Variants in GPR143 observed in about 807,000 individuals in gnomAD.
The protein encoded by GPR143 is G-protein coupled receptor 143.
Under a neutral mutation model 27.6 loss-of-function variants are expected in GPR143, and 8 were observed. The observed-to-expected ratio is 0.29, with a 90% confidence interval of 0.17 to 0.52. GPR143 has a LOEUF of 0.52. Among genes scored for constraint, GPR143 ranks in the 20% least tolerant of loss-of-function variants. The pLI is 0.96. For missense variants in GPR143, 303 were observed against 343.1 expected (o/e 0.88, Z 0.92); for synonymous variants, 156 against 153.2 (o/e 1.02, Z -0.13).
At chrX:9,731,715 G>A (rs1452177043) in intron 8 of GPR143, among the ~76,000 whole-genome samples, 1 of 107,981 alleles carries the variant, frequency 9.3e-6, no homozygotes, top group Non-Finnish European at 1.9e-5. Flanking sequence ...TGGAATTGTA[G>A]GAGGGAACAG....
rs1482473232 is a variant in GPR143, at chrX:9,725,582, A to G, written c.*164T>C. 1.1e-5 allele frequency: 5 copies of G among 454,667 alleles called. No individual in the cohort carries two copies. Among genetic ancestry groups the G allele is most frequent in the Non-Finnish European group, 7.7e-6 (2 of 258,147 alleles). 37.5% of individuals were successfully genotyped at this position (454,667 alleles called of 1,213,427 possible). On this transcript the variant is annotated 3_prime_UTR_variant, in exon 9 of 9. Transcript: ENST00000467482. ...CGTGTGTGCATGAACCCTTTCTCCTATCCTAAAGGCCCTTCGGGAAGAAGC... is the reference window on the plus strand; with the variant it reads ...CGTGTGTGCATGAACCCTTTCTCCTGTCCTAAAGGCCCTTCGGGAAGAAGC...
intron 5 of GPR143, among the ~76,000 whole-genome samples, chrX:9,744,685 A>G (rs1203390646): frequency 2.7e-5 from 3 of 111,777 alleles, no homozygotes; most frequent in Non-Finnish European, 5.6e-5. Context: ...AGCCTGGGCA[A>G]AAGAGCGAAA....
rs73484540 is a variant in GPR143 at position 9,725,571 on chromosome X, C to T, written c.*175G>A. 2.6e-3 allele frequency: 1,148 copies of T among 441,266 alleles called. 13 individuals carry two copies. Among genetic ancestry groups the T allele is most frequent in the African/African-American group, 0.025 (1,012 of 40,588 alleles). The allele number at this position is 441,266 out of a possible 1,213,427, so 36.4% of individuals were successfully genotyped here. A position where few individuals can be genotyped will look rare whatever the true frequency, so the allele number is the denominator to read the frequency against. ...CCATTCTCACACGTGTGTGCATGAA[C>T]CCTTTCTCCTATCCTAAAGGCCCTT... On this transcript the variant is annotated 3_prime_UTR_variant, in exon 9 of 9. Coordinates refer to ENST00000467482, the MANE Select transcript of GPR143 (RefSeq NM_000273.3).
chrX:9,761,296 G>A (rs1431320422), intron 1 of GPR143, among the ~76,000 whole-genome samples: 1 of 111,978 alleles, frequency 8.9e-6, no homozygotes, highest in Non-Finnish European at 1.9e-5. Context: ...GTATCACCAT[G>A]TTGGCCAGGC....
chrX:9,731,072 A>G (rs1387620819), intron 8 of GPR143, among the ~76,000 whole-genome samples: 2 of 112,071 alleles, frequency 1.8e-5, no homozygotes, highest in Non-Finnish European at 3.8e-5. Flanking sequence ...GCTGTCTTGA[A>G]AGAAGTGCTC....
intron 1 of GPR143, among the ~76,000 whole-genome samples, chrX:9,775,947 G>A (rs1186190457): frequency 8.9e-6 from 1 of 112,104 alleles, no homozygotes; most frequent in African/African-American, 3.2e-5. Flanking sequence ...CTTGGAGTCC[G>A]CCTTCATACA....
chrX:9,760,109 G>C (rs1281180918), intron 2 of GPR143, among the ~76,000 whole-genome samples: 2 of 110,750 alleles, frequency 1.8e-5, no homozygotes, highest in African/African-American at 6.6e-5. Flanking sequence ...TTTTTTCTTT[G>C]AAGATGGAGT....
chrX:9,729,856 T>G (rs2083345475), intron 8 of GPR143, among the ~76,000 whole-genome samples: 1 of 112,384 alleles, frequency 8.9e-6, no homozygotes, highest in African/African-American at 3.2e-5. Context: ...CCCATGCAGA[T>G]CTGAGATTTG....
intron 8 of GPR143, among the ~76,000 whole-genome samples, chrX:9,727,055 C>T (rs545692897): frequency 1.2e-3 from 139 of 112,871 alleles, no homozygotes; most frequent in Non-Finnish European, 2.2e-3. Context: ...TTTGGGGTTT[C>T]GACCCCACCT....
intron 1 of GPR143, among the ~76,000 whole-genome samples, chrX:9,765,279 A>G (rs1175039649): frequency 4.5e-5 from 5 of 109,950 alleles, no homozygotes; most frequent in South Asian, 3.9e-4. Flanking sequence ...GCAGGTCCCA[A>G]CCCCAGGGCC....
At chrX:9,757,797 G>A (rs2083479378) in intron 3 of GPR143, among the ~76,000 whole-genome samples, 1 of 111,238 alleles carries the variant, frequency 9.0e-6, no homozygotes, top group Non-Finnish European at 1.9e-5. Context: ...TTGAGATAGG[G>A]TCTCACTCTG....
intron 1 of GPR143, among the ~76,000 whole-genome samples, chrX:9,775,526 CCTT>C (rs1252449230): frequency 1.8e-5 from 2 of 111,757 alleles, no homozygotes; most frequent in East Asian, 5.7e-4. Flanking sequence ...CTGTTTTATC[CCTT>C]CTTAATGCAT....
chrX:9,729,000 A>C (rs1006000199), intron 8 of GPR143, among the ~76,000 whole-genome samples: 3 of 110,972 alleles, frequency 2.7e-5, no homozygotes, highest in Non-Finnish European at 3.8e-5. Context: ...GAGCTGCTTG[A>C]AGGGCAGGTA....
intron 4 of GPR143, chrX:9,748,144 T>C (rs886290025): frequency 6.1e-6 from 1 of 165,088 alleles, no homozygotes; most frequent in Non-Finnish European, 1.2e-5. Flanking sequence ...TGCCCAGGGA[T>C]CCTTATGGCC....
Position 9,732,823 on chromosome X carries a change from G to A in GPR143, c.1120+6662C>T, listed in dbSNP as rs762057884. Among the ~76,000 whole-genome samples, 208 of 98,765 alleles carry A rather than the reference G, an allele frequency of 2.1e-3. 2 individuals are homozygous for A. The highest frequency in any genetic ancestry group is 0.013 in the Admixed American group (114 of 8,540). 85.8% of individuals were successfully genotyped at this position (98,765 alleles called of 115,157 possible). On this transcript the variant is annotated intron_variant, in intron 8 of 8. Coordinates refer to ENST00000467482, the MANE Select transcript of GPR143 (RefSeq NM_000273.3). ...GGTTGCAGTGAGCCGAGATCGTGCCGCTGCACTCAGCCTTGGCGACAGAGT... is the reference window on the plus strand; with the variant it reads ...GGTTGCAGTGAGCCGAGATCGTGCCACTGCACTCAGCCTTGGCGACAGAGT...
At chrX:9,741,808 G>A (rs953540502) in intron 6 of GPR143, among the ~76,000 whole-genome samples, 39 of 111,685 alleles carry the variant, frequency 3.5e-4, no homozygotes, top group African/African-American at 1.2e-3. Context: ...TGGGAGGATC[G>A]CTTGAGCCCA....
chrX:9,771,705 C>CTTTTTTTTTTTTTTTTTTTTTTTTTT (rs1288480180), intron 1 of GPR143, among the ~76,000 whole-genome samples: 1 of 37,688 alleles, frequency 2.7e-5, no homozygotes, highest in African/African-American at 8.3e-5. Flanking sequence ...ATGGAGCATT[C>CTTTTTTTTTTTTTTTTTTTTTTTTTT]TCTCTCTTTT....
chrX:9,725,466 T>TA lies in GPR143; in HGVS notation c.*279dup. 6.2e-6 allele frequency: 2 copies of TA among 324,973 alleles called. No individual in the cohort carries two copies. The highest frequency in any genetic ancestry group is 1.2e-4 in the South Asian group (2 of 16,319). 26.8% of individuals were successfully genotyped at this position (324,973 alleles called of 1,213,427 possible). On this transcript the variant is annotated 3_prime_UTR_variant, in exon 9 of 9. Coordinates refer to ENST00000467482, the MANE Select transcript of GPR143 (RefSeq NM_000273.3). ...TCCCCAAGGATGTGGACCTTACACT[T>TA]ACTTTACAGCCAGCCTCAGAAAACT... is the stretch of plus-strand genomic sequence containing the variant.
At position 9,759,016 on chromosome X, in the gene GPR143, C is replaced by G. The variant is rs140386661; in HGVS notation, c.455+316G>C. On this transcript the variant is annotated intron_variant, in intron 3 of 8. Transcript: ENST00000467482. ...AGGTTTTTAAAATCCTCAAGATTTT[C>G]TTTTATTATTTTGGAGATGGACTCT... Among the ~76,000 whole-genome samples, 669 of 111,974 alleles carry G rather than the reference C, an allele frequency of 6.0e-3. 2 individuals are homozygous for G. Among genetic ancestry groups the G allele is most frequent in the African/African-American group, 0.021 (639 of 30,809 alleles).
Sources: allele counts gnomAD v4.1 joint callset (sites outside exome capture counted in the v4.1 genomes callset), GRCh38; gene constraint gnomAD v4.1.1; transcripts MANE v1.5; gene names NCBI Gene and HGNC (gene_info 2026-07-23, HGNC 2026-07-21).